The following RAB38 variants were observed in gnomAD, a reference collection of about 807,000 sequenced individuals.
RAB38 encodes the protein ras-related protein Rab-38.
A neutral mutation model predicts 18.4 loss-of-function variants in RAB38; 15 were observed. That is an observed-to-expected ratio of 0.82 (90% CI 0.55 to 1.26). RAB38 has a LOEUF of 1.26. Ranked by LOEUF, RAB38 falls within the 50% of genes most tolerant of loss-of-function variation. RAB38 has a pLI of 0.00. For synonymous variants in RAB38, 101 were observed against 104.4 expected (o/e 0.97, Z 0.20); for missense variants, 294 against 267.4 (o/e 1.10, Z -0.69).
At chr11:87,976,687 A>G in the RAB38 span, among the ~76,000 whole-genome samples, 13 of 122,760 alleles carry the variant, frequency 1.1e-4, no homozygotes, top group Non-Finnish European at 2.1e-4. Context: ...ATATTTATAT[A>G]TTTACAATAT....
At chr11:87,876,145 G>A in the RAB38 span, among the ~76,000 whole-genome samples, 5 of 151,626 alleles carry the variant, frequency 3.3e-5, no homozygotes, top group South Asian at 6.2e-4. Flanking sequence ...GATAGAATTC[G>A]AAACTGTCGT....
the RAB38 span, among the ~76,000 whole-genome samples, chr11:87,926,914 A>G: frequency 6.6e-6 from 1 of 152,050 alleles, no homozygotes; most frequent in African/African-American, 2.4e-5. Context: ...TAGAATAGCA[A>G]CAGTGGTAGA....
chr11:88,046,158 C>A, the RAB38 span, among the ~76,000 whole-genome samples: 1 of 151,986 alleles, frequency 6.6e-6, no homozygotes, highest in South Asian at 2.1e-4. Flanking sequence ...TCACCTTTAC[C>A]CCACTCAAGG....
chr11:88,055,898 G>A, the RAB38 span, among the ~76,000 whole-genome samples: 4 of 152,210 alleles, frequency 2.6e-5, no homozygotes, highest in African/African-American at 9.7e-5. Context: ...AGGCCCTGGT[G>A]ATCTAATGAT....
chr11:88,120,843 C>T (rs1010740598), intron 2 of RAB38, among the ~76,000 whole-genome samples: 2 of 152,226 alleles, frequency 1.3e-5, no homozygotes, highest in Non-Finnish European at 2.9e-5. Flanking sequence ...CCCTAGCCAC[C>T]TCTAGTGCTC....
the RAB38 span, among the ~76,000 whole-genome samples, chr11:87,839,657 A>G: frequency 6.6e-6 from 1 of 152,246 alleles, no homozygotes; most frequent in Non-Finnish European, 1.5e-5. Context: ...CAGCAGAAGT[A>G]GAAGTATTTT....
At chr11:87,845,049 C>G in the RAB38 span, among the ~76,000 whole-genome samples, 2 of 152,154 alleles carry the variant, frequency 1.3e-5, no homozygotes, top group Non-Finnish European at 2.9e-5. Context: ...ATTTAGAGAA[C>G]TGAACTGAAA....
At chr11:88,032,438 C>T in the RAB38 span, among the ~76,000 whole-genome samples, 1 of 152,134 alleles carries the variant, frequency 6.6e-6, no homozygotes, top group South Asian at 2.1e-4. Flanking sequence ...TCAGAGTGAA[C>T]AGGCAACCTA....
chr11:88,077,831 T>C, the RAB38 span, among the ~76,000 whole-genome samples: 1 of 152,062 alleles, frequency 6.6e-6, no homozygotes, highest in African/African-American at 2.4e-5. Context: ...GTATCCATTG[T>C]TGACAGGAAA....
chr11:88,047,223 T>C, the RAB38 span, among the ~76,000 whole-genome samples: 1 of 152,166 alleles, frequency 6.6e-6, no homozygotes, highest in African/African-American at 2.4e-5. Flanking sequence ...ACAATTACCA[T>C]TGTTCCTGGC....
chr11:87,834,660 A>G, the RAB38 span, among the ~76,000 whole-genome samples: 1 of 152,212 alleles, frequency 6.6e-6, no homozygotes, highest in Admixed American at 6.5e-5. Flanking sequence ...GTTCTTTGTT[A>G]AATATATTGT....
At chr11:87,941,670 A>G in the RAB38 span, among the ~76,000 whole-genome samples, 1 of 152,158 alleles carries the variant, frequency 6.6e-6, no homozygotes, top group South Asian at 2.1e-4. Context: ...TATTTTCAAT[A>G]AGTTACAGCT....
At chr11:88,033,624 CTGTG>C in the RAB38 span, among the ~76,000 whole-genome samples, 8 of 150,440 alleles carry the variant, frequency 5.3e-5, no homozygotes, top group Non-Finnish European at 1.2e-4. Flanking sequence ...AGTTGTGTTT[CTGTG>C]TGTGTCTTTA....
chr11:88,133,470 C>T (rs555561632), intron 2 of RAB38, among the ~76,000 whole-genome samples: 12 of 152,246 alleles, frequency 7.9e-5, no homozygotes, highest in African/African-American at 2.9e-4. Context: ...TGCTACTATG[C>T]TCTTTAAGTT....
At chr11:87,971,551 A>G in the RAB38 span, among the ~76,000 whole-genome samples, 1 of 151,950 alleles carries the variant, frequency 6.6e-6, no homozygotes, top group East Asian at 1.9e-4. Flanking sequence ...TGCCACTCCC[A>G]CTCTTGCCTT....
downstream of RAB38, among the ~76,000 whole-genome samples, chr11:88,111,912 G>A (rs1310536401): frequency 6.6e-6 from 1 of 152,084 alleles, no homozygotes. Flanking sequence ...TGAGACCCTG[G>A]ATCTCTTCTC....
the RAB38 span, among the ~76,000 whole-genome samples, chr11:87,946,051 A>G: frequency 6.6e-5 from 10 of 152,152 alleles, no homozygotes; most frequent in Non-Finnish European, 1.5e-4. Context: ...ACACATGCCA[A>G]AGCTAGAATT....
the RAB38 span, among the ~76,000 whole-genome samples, chr11:88,036,225 A>G: frequency 6.6e-6 from 1 of 152,136 alleles, no homozygotes; most frequent in Non-Finnish European, 1.5e-5. Context: ...AAAATGTTTC[A>G]AGGTCACTTT....
the RAB38 span, among the ~76,000 whole-genome samples, chr11:87,871,983 G>A: frequency 1.3e-5 from 2 of 151,396 alleles, no homozygotes; most frequent in Non-Finnish European, 3.0e-5. Flanking sequence ...ACATATTTTT[G>A]TTGGATATAT....
Sources: gnomAD v4.1 joint callset for allele counts (sites outside exome capture counted in the v4.1 genomes callset) on GRCh38, gnomAD v4.1.1 for gene constraint, MANE v1.5 for transcripts, NCBI Gene and HGNC (gene_info 2026-07-23, HGNC 2026-07-21) for gene names.